Variants in KAZN observed in about 807,000 individuals in gnomAD.
The protein encoded by KAZN is kazrin, periplakin interacting protein.
A neutral mutation model predicts 87.4 loss-of-function variants in KAZN; 40 were observed. That is an observed-to-expected ratio of 0.46 (90% CI 0.36 to 0.60). The LOEUF (loss-of-function observed/expected upper bound fraction) is 0.60. Among genes scored for constraint, KAZN ranks in the 20% least tolerant of loss-of-function variants. The pLI is 0.00. For synonymous variants in KAZN, 466 were observed against 458.3 expected (o/e 1.02, Z -0.22); for missense variants, 898 against 1,073.9 (o/e 0.84, Z 2.29).
At chr1:14,022,951 C>T (rs1640912428) in intron 1 of KAZN, among the ~76,000 whole-genome samples, 1 of 152,040 alleles carries the variant, frequency 6.6e-6, no homozygotes, top group South Asian at 2.1e-4. Flanking sequence ...TCTGATTGTT[C>T]CCTTATAAAT....
Position 14,002,600 on chromosome 1 carries a change from A to G in KAZN, c.91+108844A>G, listed in dbSNP as rs1289166816. Among the ~76,000 whole-genome samples, 3 of 152,212 alleles carry G rather than the reference A, an allele frequency of 2.0e-5. No individual in the cohort carries two copies. The East Asian group carries it at 5.8e-4, about 29-fold the overall frequency. Reference sequence around the variant, plus strand: ...TGGGTGCGTCTTTATCAGCCGTGTGAAAATGAACTAATACACTCATCATTT... The same window carrying G: ...TGGGTGCGTCTTTATCAGCCGTGTGGAAATGAACTAATACACTCATCATTT... On this transcript the variant is annotated intron_variant, in intron 1 of 16. Coordinates refer to the KAZN transcript ENST00000636203.
In KAZN at chr1:14,641,526, G is replaced by A. The variant is rs190284969; in HGVS notation, c.226+42303G>A. 1.1e-4 allele frequency among the ~76,000 whole-genome samples: 17 copies of A among 152,224 alleles called. No homozygotes were observed. The East Asian group carries it at 3.1e-3, about 28-fold the overall frequency. ...CGTCTCCCCACCAGACCATGCCTGC[G>A]GTGTGGCCTGCATCTCTGTGCCTCA... On this transcript the variant is annotated intron_variant, in intron 1 of 14. Coordinates refer to ENST00000376030, the MANE Select transcript of KAZN (RefSeq NM_201628.3).
rs1644518965 is a variant in KAZN, at chr1:14,112,399, G to T, written c.92-68036G>T. Among the ~76,000 whole-genome samples the T allele has an allele frequency of 2.7e-5, 4 of 149,900 alleles. 1 individual carries two copies. The highest frequency in any genetic ancestry group is 2.1e-4 in the South Asian group (1 of 4,672). ...ACCACCGTTACTTGGGTGAGGAGCTGCCTGCATCCCTCCCACTCCTCTTTG... is the reference window on the plus strand; with the variant it reads ...ACCACCGTTACTTGGGTGAGGAGCTTCCTGCATCCCTCCCACTCCTCTTTG... On this transcript the variant is annotated intron_variant, in intron 1 of 16. Coordinates refer to the KAZN transcript ENST00000636203.
intron 1 of KAZN, among the ~76,000 whole-genome samples, chr1:14,086,345 C>G (rs534858256): frequency 2.6e-4 from 40 of 152,198 alleles, no homozygotes; most frequent in Admixed American, 9.8e-4. Context: ...TGATGCTCCT[C>G]CCCTCCCCCA....
At chr1:14,785,518 G>A (rs1271809726) in intron 1 of KAZN, among the ~76,000 whole-genome samples, 1 of 152,014 alleles carries the variant, frequency 6.6e-6, no homozygotes, top group Non-Finnish European at 1.5e-5. Context: ...CTCCTCCGCG[G>A]GAGCTTCATG....
intron 2 of KAZN, among the ~76,000 whole-genome samples, chr1:14,365,531 G>C (rs1659924823): frequency 6.6e-6 from 1 of 152,102 alleles, no homozygotes; most frequent in Non-Finnish European, 1.5e-5. Context: ...TTATCTTTTT[G>C]GGTAATGCAA....
At chr1:14,555,422 A>G (rs1234316462) in intron 2 of KAZN, among the ~76,000 whole-genome samples, 1 of 152,218 alleles carries the variant, frequency 6.6e-6, no homozygotes, top group Admixed American at 6.5e-5. Flanking sequence ...GCTTTCTACA[A>G]TTGTAGTTTC....
intron 2 of KAZN, among the ~76,000 whole-genome samples, chr1:14,489,163 C>T (rs1450126540): frequency 1.3e-5 from 2 of 151,744 alleles, no homozygotes; most frequent in Admixed American, 6.6e-5. Flanking sequence ...CATTTCTACA[C>T]GTTGTAGAAA....
At chr1:14,904,997 G>A (rs568254273) in intron 1 of KAZN, among the ~76,000 whole-genome samples, 6 of 152,144 alleles carry the variant, frequency 3.9e-5, no homozygotes, top group South Asian at 4.2e-4. Flanking sequence ...TCCTGACCTC[G>A]TGATCCGCCC....
chr1:14,328,627 C>T (rs943394713), intron 2 of KAZN, among the ~76,000 whole-genome samples: 8 of 151,596 alleles, frequency 5.3e-5, no homozygotes, highest in South Asian at 2.1e-4. Flanking sequence ...GGTGTGAACC[C>T]GAGACGTGGA....
chr1:14,887,726 G>A (rs866580338), intron 1 of KAZN, among the ~76,000 whole-genome samples: 14 of 149,932 alleles, frequency 9.3e-5, no homozygotes, highest in African/African-American at 3.2e-4. Flanking sequence ...TTTTCAGGAC[G>A]CAGCTACTTG....
intron 2 of KAZN, among the ~76,000 whole-genome samples, chr1:14,339,116 CAG>C (rs1657494137): frequency 6.6e-6 from 1 of 151,310 alleles, no homozygotes; most frequent in African/African-American, 2.4e-5. Context: ...GAGAGAGAGA[CAG>C]AGAGAAAGAG....
intron 2 of KAZN, among the ~76,000 whole-genome samples, chr1:14,210,975 T>C (rs1646841789): frequency 6.9e-6 from 1 of 145,868 alleles, no homozygotes; most frequent in Non-Finnish European, 1.6e-5. Flanking sequence ...AAAAGACAAT[T>C]AATCTCTTAA....
intron 2 of KAZN, among the ~76,000 whole-genome samples, chr1:14,302,819 C>T (rs1156742501): frequency 6.6e-6 from 1 of 152,098 alleles, no homozygotes; most frequent in Non-Finnish European, 1.5e-5. Flanking sequence ...TCTTGATCAC[C>T]ACGAGCCACC....
At chr1:14,131,869 A>C (rs557995016) in intron 1 of KAZN, among the ~76,000 whole-genome samples, 9 of 151,816 alleles carry the variant, frequency 5.9e-5, no homozygotes, top group Non-Finnish European at 1.3e-4. Context: ...ATTCAGACTC[A>C]TTTTTTTATG....
At chr1:14,533,944 C>A (rs1371487891) in intron 2 of KAZN, among the ~76,000 whole-genome samples, 3 of 152,214 alleles carry the variant, frequency 2.0e-5, no homozygotes, top group Non-Finnish European at 2.9e-5. Flanking sequence ...CCTTGCCTCT[C>A]TGACTGCATC....
chr1:14,455,575 G>GA (rs1373114613), intron 2 of KAZN, among the ~76,000 whole-genome samples: 1 of 152,172 alleles, frequency 6.6e-6, no homozygotes, highest in Non-Finnish European at 1.5e-5. Flanking sequence ...TGACATATTT[G>GA]CATGAATATG....
intron 1 of KAZN, among the ~76,000 whole-genome samples, chr1:14,809,278 A>G (rs553954323): frequency 6.6e-6 from 1 of 152,292 alleles, no homozygotes; most frequent in South Asian, 2.1e-4. Context: ...TGTGTGATGC[A>G]GAGGTGTCTG....
intron 2 of KAZN, among the ~76,000 whole-genome samples, chr1:14,978,381 A>G (rs1333936738): frequency 1.3e-5 from 2 of 151,842 alleles, no homozygotes; most frequent in Admixed American, 6.6e-5. Flanking sequence ...CTGGATTGTC[A>G]AAAGCATCCG....
Sources: allele counts gnomAD v4.1 joint callset (sites outside exome capture counted in the v4.1 genomes callset), GRCh38; gene constraint gnomAD v4.1.1; transcripts MANE v1.5; gene names NCBI Gene and HGNC (gene_info 2026-07-23, HGNC 2026-07-21).